Variants in RIMS1 observed in about 807,000 individuals in gnomAD.
RIMS1 encodes the protein regulating synaptic membrane exocytosis protein 1.
RIMS1 carries 83 observed loss-of-function variants against 214.1 expected under a neutral mutation model. The observed-to-expected ratio is 0.39, with a 90% CI of 0.32 to 0.47. RIMS1 has a LOEUF of 0.47. RIMS1 is among the 20% of genes least tolerant of loss of function. The probability of loss-of-function intolerance (pLI) is 0.99; values close to 1 mark genes in which losing one functional copy is unlikely to be tolerated. For synonymous variants in RIMS1, 793 were observed against 786.8 expected, an observed-to-expected ratio of 1.01 and a Z score of -0.13; for missense variants, 2,050 against 2,161.8, an observed-to-expected ratio of 0.95 and a Z score of 1.03.
At chr6:72,152,830 ATATATATG>A (rs1479175832) in intron 4 of RIMS1, among the ~76,000 whole-genome samples, 1,116 of 46,868 alleles carry the variant, frequency 0.024, 275 homozygotes, top group Non-Finnish European at 0.03. Flanking sequence ...GAATATATGT[ATATATATG>A]TATATATGGA....
chr6:72,327,319 A>G (rs549664066), intron 28 of RIMS1, among the ~76,000 whole-genome samples: 106 of 151,886 alleles, frequency 7.0e-4, no homozygotes, highest in South Asian at 1.5e-3. Context: ...CTCATTTTCC[A>G]TACCTATCAG....
intron 2 of RIMS1, among the ~76,000 whole-genome samples, chr6:72,001,211 G>C (rs1487823422): frequency 6.6e-6 from 1 of 152,030 alleles, no homozygotes; most frequent in Middle Eastern, 3.2e-3. Flanking sequence ...CAGGCTTTCT[G>C]TCACCCCAGC....
intron 13 of RIMS1, 107 bp downstream of exon 13, chr6:72,250,567 GA>G (rs2072790091): frequency 1.3e-6 from 1 of 768,096 alleles, no homozygotes; most frequent in East Asian, 2.9e-5. Flanking sequence ...TAATTCTGAG[GA>G]GATAAAAGTA....
intron 28 of RIMS1, among the ~76,000 whole-genome samples, chr6:72,314,821 T>A (rs2095682698): frequency 1.3e-5 from 2 of 152,130 alleles, no homozygotes. Context: ...ATAAATAGGA[T>A]GTAACCAAGG....
At chr6:72,269,372 C>T (rs920458396) in intron 22 of RIMS1, among the ~76,000 whole-genome samples, 9 of 152,266 alleles carry the variant, frequency 5.9e-5, no homozygotes, top group African/African-American at 2.2e-4. Flanking sequence ...TTCCCTAGCT[C>T]CACCTCCAGT....
At chr6:72,316,301 T>C (rs1394657438) in intron 28 of RIMS1, among the ~76,000 whole-genome samples, 1 of 151,974 alleles carries the variant, frequency 6.6e-6, no homozygotes, top group African/African-American at 2.4e-5. Flanking sequence ...TGGTGACAGA[T>C]GGATGGGTGG....
chr6:72,211,997 ATTTTG>A (rs2053893857), intron 6 of RIMS1, among the ~76,000 whole-genome samples: 1 of 152,100 alleles, frequency 6.6e-6, no homozygotes, highest in Non-Finnish European at 1.5e-5. Context: ...TCTCAGATTC[ATTTTG>A]AAGCATATGA....
chr6:72,053,448 T>C (rs1340259858), intron 2 of RIMS1, among the ~76,000 whole-genome samples: 1 of 152,170 alleles, frequency 6.6e-6, no homozygotes, highest in East Asian at 1.9e-4. Context: ...GTTCCTGTAG[T>C]GGTTTGTTAC....
chr6:72,168,403 T>C (rs1443228583), intron 4 of RIMS1, among the ~76,000 whole-genome samples: 2 of 152,178 alleles, frequency 1.3e-5, no homozygotes, highest in Non-Finnish European at 2.9e-5. Context: ...AAATGCATGG[T>C]TTGAAGTTTG....
Position 72,001,399 on chromosome 6 carries a change from G to T in RIMS1, c.245+32336G>T, listed in dbSNP as rs180798894. On this transcript the variant is annotated intron_variant, in intron 2 of 33. Transcript: ENST00000521978. ...ACATATAATCTCATCCTCATAATTG[G>T]CATTTTGTTCTCTATGATCCACCAT... is the stretch of plus-strand genomic sequence containing the variant. Among the ~76,000 whole-genome samples, 317 of 152,036 alleles carry T rather than the reference G, an allele frequency of 2.1e-3. 5 individuals carry two copies. The highest frequency in any genetic ancestry group is 0.017 in the Admixed American group (252 of 15,250).
chr6:72,386,468 A>G (rs1025862944), intron 29 of RIMS1, among the ~76,000 whole-genome samples: 4 of 152,042 alleles, frequency 2.6e-5, no homozygotes, highest in African/African-American at 4.8e-5. Flanking sequence ...CCTGTGCACT[A>G]CTTGCAAGAC....
rs2054832720 is a variant in RIMS1, at chr6:72,214,415, T to A, written c.1679-19358T>A. On this transcript the variant is annotated intron_variant, in intron 6 of 33. Transcript: ENST00000521978. ...TTTATTAAGTATTTTCTGTTAGAAA[T>A]GCAATTTGTTACTATTTGATAAATT... 2.0e-5 allele frequency among the ~76,000 whole-genome samples: 3 copies of A among 152,222 alleles called. No homozygotes were observed. In the South Asian group the frequency reaches 6.2e-4, roughly 32 times the overall value.
chr6:72,283,885 C>T (rs2091320324), intron 23 of RIMS1, among the ~76,000 whole-genome samples, 162 bp from the exon 24 acceptor site: 1 of 152,126 alleles, frequency 6.6e-6, no homozygotes, highest in African/African-American at 2.4e-5. Context: ...TTTATTCATT[C>T]ATTCATTCAT....
chr6:72,072,982 A>G (rs921455851), intron 2 of RIMS1, among the ~76,000 whole-genome samples: 1 of 152,224 alleles, frequency 6.6e-6, no homozygotes, highest in African/African-American at 2.4e-5. Flanking sequence ...CTGGTTCTCC[A>G]AGAAAAATAA....
intron 29 of RIMS1, among the ~76,000 whole-genome samples, chr6:72,360,376 T>C (rs1225832970): frequency 6.6e-6 from 1 of 152,224 alleles, no homozygotes; most frequent in Non-Finnish European, 1.5e-5. Flanking sequence ...TGTACAATAG[T>C]CTTTCTGTTA....
intron 19 of RIMS1, chr6:72,261,206 ATTG>A: frequency 9.9e-7 from 1 of 1,014,504 alleles, no homozygotes; most frequent in Non-Finnish European, 1.2e-6. Flanking sequence ...TTTAGAATTT[ATTG>A]TTGTTTATAT....
At chr6:72,366,034 T>G (rs2098001689) in intron 29 of RIMS1, among the ~76,000 whole-genome samples, 1 of 152,210 alleles carries the variant, frequency 6.6e-6, no homozygotes, top group Non-Finnish European at 1.5e-5. Context: ...CAGAGAATTA[T>G]GATAAGGGTT....
At chr6:71,939,493 G>A (rs1453933407) in intron 1 of RIMS1, among the ~76,000 whole-genome samples, 6 of 152,108 alleles carry the variant, frequency 3.9e-5, no homozygotes, top group African/African-American at 1.4e-4. Context: ...TCTGTTTTCT[G>A]CAGCTATTAC....
At chr6:72,017,923 A>C (rs1195455672) in intron 2 of RIMS1, among the ~76,000 whole-genome samples, 1 of 152,352 alleles carries the variant, frequency 6.6e-6, no homozygotes, top group Middle Eastern at 3.4e-3. Context: ...CTGGGGAGGC[A>C]TGTGTGCTTG....
Sources: allele counts gnomAD v4.1 joint callset (sites outside exome capture counted in the v4.1 genomes callset), GRCh38; gene constraint gnomAD v4.1.1; transcripts MANE v1.5; gene names NCBI Gene and HGNC (gene_info 2026-07-23, HGNC 2026-07-21).